The following SPTBN1 variants were observed in gnomAD, a reference collection of about 807,000 sequenced individuals.
The protein encoded by SPTBN1 is spectrin beta, non-erythrocytic 1.
Under a neutral mutation model 266.4 loss-of-function variants are expected in SPTBN1, and 32 were observed. The ratio of observed to expected loss-of-function variants is 0.12; its 90% CI spans 0.09 to 0.16. The LOEUF is 0.16. Among genes scored for constraint, SPTBN1 ranks in the 10% least tolerant of loss-of-function variants. The pLI, the probability that SPTBN1 is intolerant of heterozygous loss-of-function variation, is 1.00. For synonymous variants in SPTBN1, 1,336 were observed against 1,162.2 expected, an observed-to-expected ratio of 1.15 and a Z score of -3.04; for missense variants, 2,296 against 3,067.1, an observed-to-expected ratio of 0.75 and a Z score of 5.94.
At chr2:54,627,317 G>A (rs1481963911) in intron 12 of SPTBN1, among the ~76,000 whole-genome samples, 4 of 152,212 alleles carry the variant, frequency 2.6e-5, no homozygotes, top group African/African-American at 9.6e-5. Context: ...TTGTAACTCA[G>A]TTGGTCCAGA....
chr2:54,614,733 G>A (rs572432416), intron 4 of SPTBN1, among the ~76,000 whole-genome samples: 7 of 151,254 alleles, frequency 4.6e-5, no homozygotes, highest in Non-Finnish European at 1.0e-4. Flanking sequence ...AATATGGGAG[G>A]CGGAGATTGC....
chr2:54,474,352 T>C (rs1355873672), intron 1 of SPTBN1, among the ~76,000 whole-genome samples: 1 of 150,766 alleles, frequency 6.6e-6, no homozygotes, highest in Non-Finnish European at 1.5e-5. Flanking sequence ...GGCAATACAG[T>C]GTGTAGTTAA....
At chr2:54,490,677 G>A (rs972082201) in intron 1 of SPTBN1, among the ~76,000 whole-genome samples, 28 of 152,188 alleles carry the variant, frequency 1.8e-4, no homozygotes, top group African/African-American at 6.8e-4. Context: ...TTGGGCTTCA[G>A]TCTGGTCAAT....
rs75275005 is a variant in SPTBN1 at position 54,569,654 on chromosome 2, A to G, written c.149-29438A>G. 7.8e-3 allele frequency among the ~76,000 whole-genome samples: 1,190 copies of G among 152,278 alleles called. 9 individuals carry two copies. The highest frequency in any genetic ancestry group is 0.012 in the Non-Finnish European group (833 of 68,022). On this transcript the variant is annotated intron_variant, in intron 2 of 35. Coordinates refer to ENST00000356805, the MANE Select transcript of SPTBN1 (RefSeq NM_003128.3). ...GGCAATTCACTTTCCAAATCAGACA[A>G]TTACTTACCAGTCTGAGAGCCTGCT...
At chr2:54,513,280 A>G (rs1051669249) in intron 1 of SPTBN1, among the ~76,000 whole-genome samples, 6 of 152,230 alleles carry the variant, frequency 3.9e-5, no homozygotes, top group Admixed American at 3.3e-4. Context: ...TGTCTCACAT[A>G]TCACTTAGTA....
Position 54,646,255 on chromosome 2 carries a change from A to G in SPTBN1, c.4646A>G (p.Gln1549Arg), listed in dbSNP as rs768677480. The G allele has an allele frequency of 1.2e-6, 2 of 1,614,078 alleles. No individual in the cohort carries two copies. Among genetic ancestry groups the G allele is most frequent in the Non-Finnish European group, 8.5e-7 (1 of 1,179,976 alleles). Residue 1549 changes from glutamine (Q) to arginine (R), a missense_variant, in exon 23 of 36, where the codon CAA becomes CGA. By Grantham distance (43) the Gln-to-Arg change is conservative. Transcript: ENST00000356805. The surrounding 1 kb of genome is among the most constrained non-coding windows in gnomAD (Gnocchi z 4.4). ...PRIDDIFERS[Q>R]NIVTDSSSLS... ...ATTGACGACATCTTTGAGAGGAGCC[A>G]AAACATCGTCACTGACAGCAGCAGC...
intron 1 of SPTBN1, among the ~76,000 whole-genome samples, chr2:54,488,717 A>G (rs1668536065): frequency 6.6e-6 from 1 of 152,164 alleles, no homozygotes; most frequent in South Asian, 2.1e-4. Flanking sequence ...TTTTGGCTGC[A>G]GAATAACTCC....
chr2:54,629,490 C>CA lies in SPTBN1; in HGVS notation c.2357dup (p.His786GlnfsTer16). 1 of 1,614,156 alleles carries CA rather than the reference C, an allele frequency of 6.2e-7. No individual in the cohort carries two copies. The highest frequency in any genetic ancestry group is 8.5e-7 in the Non-Finnish European group (1 of 1,180,044). On this transcript the variant is annotated frameshift_variant, in exon 14 of 36. Transcript: ENST00000356805. LOFTEE classifies it high-confidence loss of function. ...TTCCACACAGTCTCTGGTCAAGAAA[C>CA]ACAAGGACGTGGCGGAAGAGATCGC...
At chr2:54,468,263 C>T (rs1349796224) in intron 1 of SPTBN1, among the ~76,000 whole-genome samples, 2 of 151,420 alleles carry the variant, frequency 1.3e-5, no homozygotes, top group African/African-American at 4.9e-5. Flanking sequence ...GCTGAGACCG[C>T]ACCATTGCGC....
intron 2 of SPTBN1, among the ~76,000 whole-genome samples, chr2:54,530,996 G>C (rs77379454): frequency 3.9e-5 from 6 of 152,184 alleles, no homozygotes; most frequent in Non-Finnish European, 8.8e-5. Flanking sequence ...TCTGTGGGGG[G>C]AGTTGGTGTA....
chr2:54,633,896 A>C (rs1678936639), intron 17 of SPTBN1, among the ~76,000 whole-genome samples: 1 of 152,160 alleles, frequency 6.6e-6, no homozygotes, highest in South Asian at 2.1e-4. Context: ...CCCAGGCTGA[A>C]CTATATGTTC....
At chr2:54,497,642 G>A (rs986855020) in intron 1 of SPTBN1, among the ~76,000 whole-genome samples, 10 of 152,220 alleles carry the variant, frequency 6.6e-5, no homozygotes, top group South Asian at 6.2e-4. Context: ...TGCAGAAATC[G>A]TAACTCCCCA....
At chr2:54,477,315 A>G (rs981532407) in intron 1 of SPTBN1, among the ~76,000 whole-genome samples, 2 of 151,746 alleles carry the variant, frequency 1.3e-5, no homozygotes, top group African/African-American at 4.8e-5. Context: ...AGCCTCCCCA[A>G]CCCCCGTTTT....
intron 35 of SPTBN1, among the ~76,000 whole-genome samples, 185 bp downstream of exon 35, chr2:54,667,831 A>G (rs954489115): frequency 5.3e-5 from 8 of 152,120 alleles, no homozygotes; most frequent in Admixed American, 1.3e-4. Flanking sequence ...ATATGATCTC[A>G]CTGTCCCTTT....
Position 54,589,990 on chromosome 2 carries a change from A to G in SPTBN1, c.149-9102A>G, listed in dbSNP as rs116370178. Among the ~76,000 whole-genome samples, 1,410 of 152,370 alleles carry G rather than the reference A, an allele frequency of 9.3e-3. 13 individuals carry two copies. The highest frequency in any genetic ancestry group is 0.017 in the Middle Eastern group (5 of 294). ...TTGCAACAAATTAAGTCTTGTGACA[A>G]TTGACCTGATTGGGTCATGTTTAAA... On this transcript the variant is annotated intron_variant, in intron 2 of 35. Transcript: ENST00000356805.
rs534681059 is a variant in SPTBN1 at position 54,625,886 on chromosome 2, C to T, written c.1342-46C>T. 36 of 1,577,700 alleles carry T rather than the reference C, an allele frequency of 2.3e-5. No individual in the cohort carries two copies. In the East Asian group the frequency reaches 3.4e-4, roughly 15 times the overall value. ...GATTACAAGCATGAGCTACTGTGCC[C>T]GGGTGGATTTTTTATTTTCCTTCTT... is the stretch of plus-strand genomic sequence containing the variant. On this transcript the variant is annotated intron_variant, in intron 11 of 35. Coordinates refer to ENST00000356805, the MANE Select transcript of SPTBN1 (RefSeq NM_003128.3).
At chr2:54,620,664 G>A (rs1201121058) in intron 7 of SPTBN1, among the ~76,000 whole-genome samples, 2 of 152,110 alleles carry the variant, frequency 1.3e-5, no homozygotes, top group African/African-American at 4.8e-5. Flanking sequence ...ATTTAGTAAG[G>A]AATACAGTGT....
rs373808179 is a variant in SPTBN1 at position 54,670,898 on chromosome 2, A to T, written c.*2329A>T. The T allele has an allele frequency of 1.8e-5, 7 of 398,112 alleles. No individual in the cohort carries two copies. The highest frequency in any genetic ancestry group is 1.4e-4 in the African/African-American group (7 of 48,548). 24.7% of individuals were successfully genotyped at this position (398,112 alleles called of 1,614,324 possible). A position where few individuals can be genotyped will look rare whatever the true frequency, so the allele number is the denominator to read the frequency against. On this transcript the variant is annotated 3_prime_UTR_variant, in exon 36 of 36. Coordinates refer to ENST00000356805, the MANE Select transcript of SPTBN1 (RefSeq NM_003128.3). ...CAAGACGTGTTCGCCATCAGAGGTT[A>T]CAGGCCGCACAGCCTGATGAGCTTC... is the stretch of plus-strand genomic sequence containing the variant.
At chr2:54,639,609 G>A (rs969940550) in intron 18 of SPTBN1, among the ~76,000 whole-genome samples, 1 of 152,222 alleles carries the variant, frequency 6.6e-6, no homozygotes, top group Admixed American at 6.5e-5. Flanking sequence ...TGTCGATTTC[G>A]TTAAGTAGAC....
Sources: allele counts gnomAD v4.1 joint callset (sites outside exome capture counted in the v4.1 genomes callset), GRCh38; gene constraint gnomAD v4.1.1; non-coding constraint Gnocchi (gnomAD v3.1); transcripts MANE v1.5; gene names NCBI Gene and HGNC (gene_info 2026-07-23, HGNC 2026-07-21).